Variants in NRIP1 observed in about 807,000 individuals in gnomAD.
NRIP1 encodes the protein nuclear receptor interacting protein 1.
In NRIP1, 28 loss-of-function variants were observed where a neutral mutation model predicts 75.0. The ratio of observed to expected loss-of-function variants is 0.37; its 90% CI spans 0.28 to 0.51. The LOEUF (loss-of-function observed/expected upper bound fraction) is 0.51. NRIP1 is among the 20% of genes least tolerant of loss of function. The probability of loss-of-function intolerance (pLI) is 0.92; values close to 1 mark genes in which losing one functional copy is unlikely to be tolerated. For synonymous variants in NRIP1, 526 were observed against 487.6 expected (o/e 1.08, Z -1.04); for missense variants, 1,435 against 1,343.7 (o/e 1.07, Z -1.06).
chr21:15,049,319 TC>T (rs1231703032), intron 1 of NRIP1, among the ~76,000 whole-genome samples: 1 of 152,056 alleles, frequency 6.6e-6, no homozygotes, highest in Non-Finnish European at 1.5e-5. Flanking sequence ...ATGTCTCAAA[TC>T]CAATAATACT....
intron 2 of NRIP1, among the ~76,000 whole-genome samples, chr21:15,020,655 A>C (rs564168182): frequency 2.6e-5 from 4 of 152,326 alleles, no homozygotes; most frequent in African/African-American, 9.6e-5. Flanking sequence ...ATAACTGATG[A>C]AGATATACTA....
chr21:14,967,644 A>G lies in NRIP1; in HGVS notation c.549T>C (p.Ser183=). ...TTTTCTTCAACAAAGTTTTTAAGTG[A>G]CTTGATGCAACACCATAGCACCTTA... ...KDLRCYGVAS[S]HLKTLLKKSK... Residue 183 remains serine (S), a synonymous_variant, in exon 4 of 4, where the codon AGT becomes AGC. Coordinates refer to ENST00000318948, the MANE Select transcript of NRIP1 (RefSeq NM_003489.4). 11 of 1,613,906 alleles carry G rather than the reference A, an allele frequency of 6.8e-6. No homozygotes were observed. Among genetic ancestry groups the G allele is most frequent in the Non-Finnish European group, 9.3e-6 (11 of 1,179,970 alleles).
At chr21:15,000,907 T>A (rs1278076378) in intron 3 of NRIP1, among the ~76,000 whole-genome samples, 1 of 152,182 alleles carries the variant, frequency 6.6e-6, no homozygotes, top group African/African-American at 2.4e-5. Context: ...CCTCAAATAG[T>A]TCATTTTAAT....
intron 1 of NRIP1, among the ~76,000 whole-genome samples, chr21:15,054,971 ATTCCT>A (rs2089275713): frequency 6.6e-6 from 1 of 152,214 alleles, no homozygotes; most frequent in African/African-American, 2.4e-5. Flanking sequence ...GAGGGAGAAT[ATTCCT>A]TTCCAATTTG....
chr21:14,987,624 G>A (rs2087444052), intron 3 of NRIP1, among the ~76,000 whole-genome samples: 1 of 152,106 alleles, frequency 6.6e-6, no homozygotes, highest in Admixed American at 6.6e-5. Flanking sequence ...ATTCTTGACT[G>A]GCCAAAACAG....
chr21:15,038,527 T>C (rs1031715990), intron 2 of NRIP1, among the ~76,000 whole-genome samples: 1 of 152,070 alleles, frequency 6.6e-6, no homozygotes, highest in Non-Finnish European at 1.5e-5. Context: ...CATAATTTTA[T>C]TATCCAAATG....
rs1464082845 is a variant in NRIP1 at position 14,963,728 on chromosome 21, T to G, written c.*988A>C. On this transcript the variant is annotated 3_prime_UTR_variant, in exon 4 of 4. Transcript: ENST00000318948. The stretch of plus-strand genomic sequence containing the variant: ...GTAGATCTGAGATGCTGCCTATGAA[T>G]CTGCATTTTAAAACAAGTGCTCCAG... 1 of 152,132 alleles carries G rather than the reference T, an allele frequency of 6.6e-6. No homozygotes were observed. Among genetic ancestry groups the G allele is most frequent in the Non-Finnish European group, 1.5e-5 (1 of 68,006 alleles). The allele number at this position is 152,132 out of a possible 1,614,324, so 9.4% of individuals were successfully genotyped here.
At chr21:15,004,288 T>A (rs1159123085) in intron 3 of NRIP1, among the ~76,000 whole-genome samples, 1 of 152,200 alleles carries the variant, frequency 6.6e-6, no homozygotes, top group Non-Finnish European at 1.5e-5. Flanking sequence ...AAAAAGCAAC[T>A]GGGTATAAAT....
chr21:14,973,460 T>C (rs1568947496), intron 3 of NRIP1, among the ~76,000 whole-genome samples: 1 of 152,066 alleles, frequency 6.6e-6, no homozygotes, highest in African/African-American at 2.4e-5. Flanking sequence ...AATGCATATA[T>C]ACAACGAGAA....
chr21:14,967,189 T>C lies in NRIP1; in HGVS notation c.1004A>G (p.Lys335Arg). 6.2e-7 allele frequency: 1 copy of C among 1,614,110 alleles called. No individual in the cohort carries two copies. Among genetic ancestry groups the C allele is most frequent in the Non-Finnish European group, 8.5e-7 (1 of 1,179,998 alleles). ...LNGQARTSSS[K>R]LMASKSSATV... ...AGCACTACTTTTGCTAGCCATCAGT[T>C]TGCTTGATGATGTTCTTGCCTGACC... Residue 335 changes from lysine (K) to arginine (R), a missense_variant, in exon 4 of 4, where the codon AAA becomes AGA. Transcript: ENST00000318948.
rs111722686 is a variant in NRIP1, at chr21:14,966,466, T to C, written c.1727A>G (p.Lys576Arg). 25 of 1,613,964 alleles carry C rather than the reference T, an allele frequency of 1.5e-5. No individual in the cohort carries two copies. The highest frequency in any genetic ancestry group is 6.7e-5 in the East Asian group (3 of 44,890). Reference protein sequence around the residue: ...INLSQHSLVIKWNSPPYVCST... With the variant: ...INLSQHSLVIRWNSPPYVCST... The stretch of plus-strand genomic sequence containing the variant: ...GCAGACATATGGTGGGGAATTCCAT[T>C]TGATGACCAGAGAGTGTTGAGAGAG... Residue 576 changes from lysine (K) to arginine (R), a missense_variant, in exon 4 of 4, where the codon AAA becomes AGA. Coordinates refer to ENST00000318948, the MANE Select transcript of NRIP1 (RefSeq NM_003489.4).
intron 3 of NRIP1, among the ~76,000 whole-genome samples, chr21:14,975,442 T>C (rs981793407): frequency 7.2e-5 from 11 of 151,770 alleles, no homozygotes; most frequent in African/African-American, 2.4e-4. Context: ...GATAATGTAG[T>C]ATAATGGGCT....
chr21:15,065,273 G>T (rs1978789274), upstream of NRIP1, among the ~76,000 whole-genome samples: 1 of 152,046 alleles, frequency 6.6e-6, no homozygotes, highest in Non-Finnish European at 1.5e-5. Context: ...AGACGGGGCT[G>T]CAAGACCCGG....
In NRIP1 at chr21:14,968,365, T is replaced by C. The variant is rs1037154438; in HGVS notation, c.-173A>G. On this transcript the variant is annotated 5_prime_UTR_variant, in exon 4 of 4. Coordinates refer to ENST00000318948, the MANE Select transcript of NRIP1 (RefSeq NM_003489.4). Reference sequence around the variant, plus strand: ...AAGATTTCTTCTGGCAATGACAAGATAAATGCAGTCTGACCACAGTGCTGA... The same window carrying C: ...AAGATTTCTTCTGGCAATGACAAGACAAATGCAGTCTGACCACAGTGCTGA... 5 of 608,732 alleles carry C rather than the reference T, an allele frequency of 8.2e-6. No individual in the cohort carries two copies. In the African/African-American group the frequency reaches 9.3e-5, roughly 11 times the overall value. 37.7% of individuals were successfully genotyped at this position (608,732 alleles called of 1,614,324 possible). A position where few individuals can be genotyped will look rare whatever the true frequency, so the allele number is the denominator to read the frequency against.
At chr21:15,019,567 C>T (rs1039300350) in intron 2 of NRIP1, among the ~76,000 whole-genome samples, 1 of 135,274 alleles carries the variant, frequency 7.4e-6, no homozygotes, top group African/African-American at 2.7e-5. Flanking sequence ...TGGCTCACTG[C>T]AACCTCTGCC....
At chr21:15,009,757 AT>A (rs1225589930) in intron 3 of NRIP1, among the ~76,000 whole-genome samples, 2 of 152,192 alleles carry the variant, frequency 1.3e-5, no homozygotes, top group African/African-American at 4.8e-5. Flanking sequence ...AAATAATTTG[AT>A]GGCATGTTCT....
intron 2 of NRIP1, among the ~76,000 whole-genome samples, chr21:15,024,578 G>GTGTGTGTGTGTGTGTGTGTGTGTC (rs2088469569): frequency 6.6e-6 from 1 of 151,304 alleles, no homozygotes; most frequent in African/African-American, 2.4e-5. Context: ...GTGTGTGTGT[G>GTGTGTGTGTGTGTGTGTGTGTGTC]TGTGTGTGTG....
intron 2 of NRIP1, among the ~76,000 whole-genome samples, chr21:15,031,149 T>C (rs2088674297): frequency 7.4e-6 from 1 of 135,834 alleles, no homozygotes; most frequent in Non-Finnish European, 1.6e-5. Context: ...GCACGGAGGA[T>C]CACCACATTC....
intron 2 of NRIP1, among the ~76,000 whole-genome samples, chr21:15,019,494 TTTTTTTTTTTTTG>T (rs1420966173): frequency 8.7e-6 from 1 of 114,982 alleles, no homozygotes; most frequent in East Asian, 2.5e-4. Context: ...TTTTTTTTTT[TTTTTTTTTTTTTG>T]AGACACAGTC....
Sources: gnomAD v4.1 joint callset for allele counts (sites outside exome capture counted in the v4.1 genomes callset) on GRCh38, gnomAD v4.1.1 for gene constraint, MANE v1.5 for transcripts, NCBI Gene and HGNC (gene_info 2026-07-23, HGNC 2026-07-21) for gene names.